Variants in CSGALNACT1 observed in about 807,000 individuals in gnomAD.
CSGALNACT1 encodes chondroitin sulfate N-acetylgalactosaminyltransferase 1.
CSGALNACT1 carries 52 observed loss-of-function variants against 51.0 expected under a neutral mutation model. That is an observed-to-expected ratio of 1.02 (90% CI 0.82 to 1.29). The LOEUF (loss-of-function observed/expected upper bound fraction) is 1.29, where lower values mean the gene tolerates loss of function less well. CSGALNACT1 is among the 50% of genes most tolerant of loss of function. The pLI, the probability that CSGALNACT1 is intolerant of heterozygous loss-of-function variation, is 0.00. For missense variants in CSGALNACT1, 935 were observed against 679.2 expected (o/e 1.38, Z -4.19); for synonymous variants, 341 against 254.4 (o/e 1.34, Z -3.24).
intron 6 of CSGALNACT1, among the ~76,000 whole-genome samples, chr8:19,437,264 G>C (rs762802341): frequency 6.6e-6 from 1 of 152,116 alleles, no homozygotes; most frequent in Admixed American, 6.6e-5. Flanking sequence ...ACAAAAAGGA[G>C]GGTGGAAGGA....
rs528120115 is a variant in CSGALNACT1, at chr8:19,601,910, G to A, written c.-510-45C>T. 279 of 453,512 alleles carry A rather than the reference G, an allele frequency of 6.2e-4. 4 individuals are homozygous for A. Among genetic ancestry groups the A allele is most frequent in the South Asian group, 4.2e-3 (269 of 64,372 alleles). The allele number at this position is 453,512 out of a possible 1,614,324, so 28.1% of individuals were successfully genotyped here. A position where few individuals can be genotyped will look rare whatever the true frequency, so the allele number is the denominator to read the frequency against. ...AAAGGCAACCCTTGTAAATTTCCAT[G>A]TCTTAAATGTATGTGGTATTACAAA... On this transcript the variant is annotated intron_variant, in intron 1 of 9. Transcript: ENST00000454498.
At chr8:19,627,799 C>T (rs899470344) in intron 1 of CSGALNACT1, among the ~76,000 whole-genome samples, 1 of 152,038 alleles carries the variant, frequency 6.6e-6, no homozygotes, top group African/African-American at 2.4e-5. Flanking sequence ...CACTGCAGCA[C>T]CTGGGTGACA....
intron 3 of CSGALNACT1, among the ~76,000 whole-genome samples, chr8:19,543,316 A>G (rs1019241787): frequency 4.6e-5 from 7 of 152,208 alleles, no homozygotes; most frequent in African/African-American, 1.7e-4. Flanking sequence ...TCTGTGCAGG[A>G]AAGTGTTAAC....
upstream of CSGALNACT1, among the ~76,000 whole-genome samples, chr8:19,685,838 G>T (rs1423854413): frequency 6.6e-6 from 1 of 152,180 alleles, no homozygotes; most frequent in Non-Finnish European, 1.5e-5. Context: ...GGTAGTTTTG[G>T]AGTAAGGAGG....
At chr8:19,600,612 G>C (rs925388517) in intron 2 of CSGALNACT1, among the ~76,000 whole-genome samples, 6 of 152,198 alleles carry the variant, frequency 3.9e-5, no homozygotes, top group Non-Finnish European at 5.9e-5. Flanking sequence ...CTTAGGAAAG[G>C]ATTTGGGAGG....
chr8:19,566,167 C>T (rs935350487), intron 3 of CSGALNACT1, among the ~76,000 whole-genome samples: 8 of 152,120 alleles, frequency 5.3e-5, no homozygotes, highest in Non-Finnish European at 1.2e-4. Flanking sequence ...GGAATTTATC[C>T]TGGATTATCT....
chr8:19,482,788 T>C (rs1291039761), intron 4 of CSGALNACT1, among the ~76,000 whole-genome samples: 2 of 152,156 alleles, frequency 1.3e-5, no homozygotes, highest in African/African-American at 2.4e-5. Flanking sequence ...CCTAACCCCT[T>C]AGCTCCAAAT....
chr8:19,428,378 G>T (rs1024435319), intron 6 of CSGALNACT1, among the ~76,000 whole-genome samples: 1 of 152,080 alleles, frequency 6.6e-6, no homozygotes, highest in South Asian at 2.1e-4. Flanking sequence ...CTTACGTGGC[G>T]GCAGGTGAGG....
upstream of CSGALNACT1, among the ~76,000 whole-genome samples, chr8:19,685,613 T>C (rs2060928795): frequency 6.6e-6 from 1 of 152,230 alleles, no homozygotes; most frequent in Admixed American, 6.5e-5. Flanking sequence ...TACAGTGCCC[T>C]GAACTATCAA....
At chr8:19,474,777 G>C (rs963532578) in intron 4 of CSGALNACT1, among the ~76,000 whole-genome samples, 2 of 144,042 alleles carry the variant, frequency 1.4e-5, no homozygotes, top group Admixed American at 7.3e-5. Flanking sequence ...CTAGGTAGGA[G>C]AATCACTTGA....
intron 3 of CSGALNACT1, among the ~76,000 whole-genome samples, chr8:19,526,985 C>T (rs931298853): frequency 2.6e-5 from 4 of 152,106 alleles, no homozygotes; most frequent in East Asian, 3.9e-4. Context: ...CTTAGATATC[C>T]GTATCTATAT....
intron 3 of CSGALNACT1, among the ~76,000 whole-genome samples, chr8:19,533,081 A>C (rs1015007743): frequency 7.2e-5 from 11 of 152,018 alleles, no homozygotes; most frequent in African/African-American, 2.2e-4. Context: ...TGTATATTCT[A>C]TCCTGTTTAG....
chr8:19,605,839 G>C (rs1014262638), upstream of CSGALNACT1, among the ~76,000 whole-genome samples: 1 of 152,140 alleles, frequency 6.6e-6, no homozygotes, highest in Non-Finnish European at 1.5e-5. Context: ...ATCATCTACT[G>C]AAAAGAGCAA....
At position 19,700,168 on chromosome 8, in the gene CSGALNACT1, T is replaced by C. The variant is rs145534343; in HGVS notation, c.-297+57682A>G. 1.4e-3 allele frequency among the ~76,000 whole-genome samples: 208 copies of C among 148,754 alleles called. 1 individual carries two copies. Among genetic ancestry groups the C allele is most frequent in the African/African-American group, 5.1e-3 (207 of 40,498 alleles). Reference sequence around the variant, plus strand: ...GTAAGTATTATTTCCCATTTTAAAATAAGAAATAAGGCACAATGATGTTAA... The same window carrying C: ...GTAAGTATTATTTCCCATTTTAAAACAAGAAATAAGGCACAATGATGTTAA... On this transcript the variant is annotated intron_variant, in intron 1 of 1. Coordinates refer to the CSGALNACT1 transcript ENST00000517494.
At chr8:19,528,456 G>A (rs62493885) in intron 3 of CSGALNACT1, among the ~76,000 whole-genome samples, 1 of 152,020 alleles carries the variant, frequency 6.6e-6, no homozygotes, top group South Asian at 2.1e-4. Context: ...ACAAAAACAA[G>A]GTCAACATGT....
chr8:19,606,905 C>T (rs989046077), upstream of CSGALNACT1, among the ~76,000 whole-genome samples: 1 of 152,158 alleles, frequency 6.6e-6, no homozygotes, highest in African/African-American at 2.4e-5. Context: ...CCTGTAATCC[C>T]AGCACTTTGG....
intron 1 of CSGALNACT1, among the ~76,000 whole-genome samples, chr8:19,618,647 A>G (rs1381896856): frequency 2.1e-5 from 3 of 141,524 alleles, no homozygotes; most frequent in Non-Finnish European, 4.5e-5. Context: ...AAAAAAAAAA[A>G]AAAAAAAAAG....
chr8:19,491,419 GTTC>G (rs1249080610), intron 4 of CSGALNACT1, among the ~76,000 whole-genome samples: 8 of 152,060 alleles, frequency 5.3e-5, no homozygotes, highest in East Asian at 1.9e-4. Flanking sequence ...TATTTTGAAC[GTTC>G]TTGATACAAA....
chr8:19,651,631 G>C (rs1277424042), intron 1 of CSGALNACT1, among the ~76,000 whole-genome samples: 1 of 126,854 alleles, frequency 7.9e-6, no homozygotes, highest in Non-Finnish European at 1.8e-5. Flanking sequence ...TCCATGGTAT[G>C]TATGTACCAC....
Sources: allele counts gnomAD v4.1 joint callset (sites outside exome capture counted in the v4.1 genomes callset), GRCh38; gene constraint gnomAD v4.1.1; transcripts MANE v1.5; gene names NCBI Gene and HGNC (gene_info 2026-07-23, HGNC 2026-07-21).